The following GHR variants were observed in gnomAD, a reference collection of about 807,000 sequenced individuals.
GHR encodes the protein growth hormone receptor, also known as GH receptor.
A neutral mutation model predicts 67.1 loss-of-function variants in GHR; 35 were observed. That is an observed-to-expected ratio of 0.52 (90% CI 0.40 to 0.69). GHR has a LOEUF of 0.69. GHR is among the 30% of genes least tolerant of loss of function. The pLI, the probability that GHR is intolerant of heterozygous loss-of-function variation, is 0.00. For missense variants in GHR, 792 were observed against 764.6 expected (o/e 1.04, Z -0.42); for synonymous variants, 272 against 269.1 (o/e 1.01, Z -0.10).
chr5:42,592,334 AGT>A (rs2112598407), intron 2 of GHR, among the ~76,000 whole-genome samples: 1 of 152,160 alleles, frequency 6.6e-6, no homozygotes, highest in African/African-American at 2.4e-5. Flanking sequence ...ATGCCATGGG[AGT>A]TTGGGGCATA....
At chr5:42,700,318 A>G (rs1186062819) in intron 6 of GHR, among the ~76,000 whole-genome samples, 5 of 152,200 alleles carry the variant, frequency 3.3e-5, no homozygotes, top group Non-Finnish European at 5.9e-5. Flanking sequence ...GTGGATAAAA[A>G]TGGGAAAGTT....
intron 1 of GHR, chr5:42,465,389 G>C: frequency 8.3e-7 from 1 of 1,209,576 alleles, no homozygotes; most frequent in East Asian, 2.3e-5. Flanking sequence ...TAAAGGGATT[G>C]AAGAGGTTTC....
intron 3 of GHR, among the ~76,000 whole-genome samples, chr5:42,635,407 T>C (rs1442464824): frequency 6.6e-6 from 1 of 152,208 alleles, no homozygotes; most frequent in African/African-American, 2.4e-5. Flanking sequence ...AAGAAGATAT[T>C]GCCAATGCAA....
intron 3 of GHR, among the ~76,000 whole-genome samples, chr5:42,630,863 G>A (rs1561181868): frequency 7.6e-6 from 1 of 131,936 alleles, no homozygotes; most frequent in East Asian, 2.0e-4. Context: ...AGTGGCAGTA[G>A]GATTTCTCTA....
intron 2 of GHR, among the ~76,000 whole-genome samples, chr5:42,605,444 C>A (rs780543887): frequency 2.6e-5 from 4 of 151,968 alleles, no homozygotes; most frequent in Non-Finnish European, 5.9e-5. Context: ...TTCAAACCAC[C>A]AGTTTTGTTC....
chr5:42,652,548 G>A (rs1755061544), intron 3 of GHR, among the ~76,000 whole-genome samples: 1 of 152,124 alleles, frequency 6.6e-6, no homozygotes, highest in Non-Finnish European at 1.5e-5. Flanking sequence ...AGGAAGTTTT[G>A]TAGTCATTGA....
rs530644223 is a variant in GHR, at chr5:42,553,516, G to T, written c.-11-12348G>T. ...CAACAGAAGATCAAGTCCTTTTCAAGTTTCTAGTCTCTCTGACTTCCCCTT... is the reference window on the plus strand; with the variant it reads ...CAACAGAAGATCAAGTCCTTTTCAATTTTCTAGTCTCTCTGACTTCCCCTT... On this transcript the variant is annotated intron_variant, in intron 1 of 9. Transcript: ENST00000230882. 2.6e-5 allele frequency among the ~76,000 whole-genome samples: 4 copies of T among 152,204 alleles called. No individual in the cohort carries two copies. In the East Asian group the frequency reaches 7.7e-4, roughly 29 times the overall value.
chr5:42,458,969 A>C (rs926327247), intron 1 of GHR, among the ~76,000 whole-genome samples: 9 of 152,362 alleles, frequency 5.9e-5, no homozygotes, highest in Non-Finnish European at 1.0e-4. Flanking sequence ...CTATTACCAA[A>C]AAGTAAAAGA....
intron 2 of GHR, among the ~76,000 whole-genome samples, chr5:42,576,384 G>A (rs932976525): frequency 6.6e-6 from 1 of 151,888 alleles, no homozygotes; most frequent in African/African-American, 2.4e-5. Context: ...CTGGTAATTG[G>A]TAATAATTAT....
In GHR at chr5:42,565,856, G is replaced by A; in HGVS notation, c.-11-8G>A. ...CTGGGCTTTACCTTACCCTTTTTGT[G>A]ATTGCAGGTCCTACAGGTATGGATC... On this transcript the variant is annotated splice_polypyrimidine_tract_variant and splice_region_variant and intron_variant, in intron 1 of 9. Transcript: ENST00000230882. 1 of 1,613,920 alleles carries A rather than the reference G, an allele frequency of 6.2e-7. No homozygotes were observed. The highest frequency in any genetic ancestry group is 1.7e-5 in the Admixed American group (1 of 60,008).
At chr5:42,564,373 T>TCTCACAATGTGTGAGATTTATTTGAAAC (rs1749811276) in intron 1 of GHR, among the ~76,000 whole-genome samples, 2 of 144,950 alleles carry the variant, frequency 1.4e-5, no homozygotes, top group African/African-American at 5.7e-5. Flanking sequence ...TTATTTGAAA[T>TCTCACAATGTGTGAGATTTATTTGAAAC]CTCACAAAGT....
chr5:42,579,151 TATAG>T (rs10533483), intron 2 of GHR, among the ~76,000 whole-genome samples: 17,212 of 87,116 alleles, frequency 0.2, 1,358 homozygotes, highest in East Asian at 0.25. Flanking sequence ...GATAGATAGA[TATAG>T]ATAGATAGAT....
At chr5:42,696,400 G>C (rs1486308529) in intron 5 of GHR, among the ~76,000 whole-genome samples, 1 of 152,234 alleles carries the variant, frequency 6.6e-6, no homozygotes, top group Non-Finnish European at 1.5e-5. Flanking sequence ...AGGAAGGGCT[G>C]CACAGAGATG....
At chr5:42,682,620 A>C (rs925998374) in intron 3 of GHR, among the ~76,000 whole-genome samples, 1 of 152,174 alleles carries the variant, frequency 6.6e-6, no homozygotes, top group Non-Finnish European at 1.5e-5. Flanking sequence ...GATTAAGGAG[A>C]AACTAAACGG....
chr5:42,570,313 A>C (rs1415671580), intron 2 of GHR, among the ~76,000 whole-genome samples: 1 of 152,204 alleles, frequency 6.6e-6, no homozygotes, highest in African/African-American at 2.4e-5. Context: ...GTTCTAGTGC[A>C]ATGGCCTGCG....
chr5:42,597,076 A>C (rs1195869902), intron 2 of GHR, among the ~76,000 whole-genome samples: 1 of 152,132 alleles, frequency 6.6e-6, no homozygotes, highest in African/African-American at 2.4e-5. Flanking sequence ...TGTGCTTATA[A>C]ATGTTTAACA....
At chr5:42,581,726 G>C (rs962550790) in intron 2 of GHR, among the ~76,000 whole-genome samples, 1 of 152,198 alleles carries the variant, frequency 6.6e-6, no homozygotes, top group Non-Finnish European at 1.5e-5. Flanking sequence ...GGGAGGTGCG[G>C]CTGTGGTTGT....
intron 1 of GHR, among the ~76,000 whole-genome samples, chr5:42,534,559 C>T (rs1238509658): frequency 2.0e-5 from 3 of 151,338 alleles, no homozygotes; most frequent in Admixed American, 6.6e-5. Flanking sequence ...TTTATCCACT[C>T]GTTGATTGAT....
At chr5:42,712,714 C>G (rs746786055) in intron 7 of GHR, among the ~76,000 whole-genome samples, 28 of 152,000 alleles carry the variant, frequency 1.8e-4, no homozygotes, top group Non-Finnish European at 3.5e-4. Context: ...AAGTAGCTGG[C>G]AGGTACTCAA....
Sources: gnomAD v4.1 joint callset for allele counts (sites outside exome capture counted in the v4.1 genomes callset) on GRCh38, gnomAD v4.1.1 for gene constraint, MANE v1.5 for transcripts, NCBI Gene and HGNC (gene_info 2026-07-23, HGNC 2026-07-21) for gene names.